The following PPP3CB variants were observed in gnomAD, a reference collection of about 807,000 sequenced individuals.
PPP3CB encodes the protein protein phosphatase 3 catalytic subunit beta.
PPP3CB carries 8 observed loss-of-function variants against 66.4 expected under a neutral mutation model. That is an observed-to-expected ratio of 0.12 (90% CI 0.07 to 0.22). PPP3CB has a LOEUF of 0.22. PPP3CB is among the 10% of genes least tolerant of loss of function. PPP3CB has a pLI of 1.00. For missense variants in PPP3CB, 319 were observed against 642.5 expected, an observed-to-expected ratio of 0.50 and a Z score of 5.44; for synonymous variants, 208 against 221.2, an observed-to-expected ratio of 0.94 and a Z score of 0.53.
intron 1 of PPP3CB, among the ~76,000 whole-genome samples, chr10:73,487,539 C>A: frequency 7.8e-6 from 1 of 128,868 alleles, no homozygotes. Context: ...CAGAGTGAGA[C>A]TCCATCTCAA....
At chr10:73,454,620 C>T (rs1237440259) in intron 9 of PPP3CB, 131 bp from the exon 10 acceptor site, 7 of 473,476 alleles carry the variant, frequency 1.5e-5, no homozygotes, top group African/African-American at 4.1e-5. Context: ...ATACCAAGAT[C>T]GATGGAATTT....
chr10:73,495,619 C>G, intron 1 of PPP3CB, 186 bp downstream of exon 1: 1 of 847,078 alleles, frequency 1.2e-6, no homozygotes, highest in Non-Finnish European at 1.6e-6. Context: ...AACCGGGAGA[C>G]CGCGGAACCA....
intron 11 of PPP3CB, among the ~76,000 whole-genome samples, chr10:73,445,771 CAG>C (rs1476673079): frequency 1.4e-5 from 2 of 138,902 alleles, no homozygotes; most frequent in Non-Finnish European, 3.1e-5. Flanking sequence ...TTTTCTGAGA[CAG>C]AGTCTCACTC....
intron 10 of PPP3CB, among the ~76,000 whole-genome samples, chr10:73,451,114 TTTC>T (rs1240343356): frequency 2.0e-5 from 3 of 152,128 alleles, no homozygotes; most frequent in African/African-American, 7.2e-5. Flanking sequence ...GGAACCTTTT[TTTC>T]TTATTATTAT....
chr10:73,486,387 C>T (rs1047484840), intron 1 of PPP3CB, among the ~76,000 whole-genome samples: 39 of 148,530 alleles, frequency 2.6e-4, no homozygotes, highest in African/African-American at 6.7e-4. Flanking sequence ...CTCACCGCAA[C>T]GTCTGCCTCC....
In PPP3CB at chr10:73,478,482, C is replaced by T; in HGVS notation, c.411+17G>A. 1 of 1,597,456 alleles carries T rather than the reference C, an allele frequency of 6.3e-7. No individual in the cohort carries two copies. The highest frequency in any genetic ancestry group is 8.6e-7 in the Non-Finnish European group (1 of 1,168,166). On this transcript the variant is annotated intron_variant, in intron 3 of 13. Coordinates refer to ENST00000360663, the MANE Select transcript of PPP3CB (RefSeq NM_021132.4). Reference sequence around the variant, plus strand: ...TAACACTTAACAGCAAATCAAATGACAGTTTATGATTATTACCTCTATACT... The same window carrying T: ...TAACACTTAACAGCAAATCAAATGATAGTTTATGATTATTACCTCTATACT...
intron 9 of PPP3CB, among the ~76,000 whole-genome samples, chr10:73,456,763 T>C (rs534347863): frequency 1.3e-5 from 2 of 152,288 alleles, no homozygotes; most frequent in Non-Finnish European, 1.5e-5. Flanking sequence ...TTTATGAGCT[T>C]GGATTAGGCA....
intron 11 of PPP3CB, among the ~76,000 whole-genome samples, 157 bp from the exon 12 acceptor site, chr10:73,444,979 T>G (rs35062653): frequency 0.016 from 2,429 of 152,370 alleles, 26 homozygotes; most frequent in Non-Finnish European, 0.023. Flanking sequence ...TTTCTATATT[T>G]TAAGTGTTTC....
intron 1 of PPP3CB, among the ~76,000 whole-genome samples, chr10:73,480,071 T>A (rs946138506): frequency 1.3e-5 from 2 of 152,182 alleles, no homozygotes; most frequent in African/African-American, 4.8e-5. Flanking sequence ...TGATTTACCA[T>A]GTTCCTTTCT....
chr10:73,493,140 G>A (rs1450705045), intron 1 of PPP3CB, among the ~76,000 whole-genome samples: 1 of 152,014 alleles, frequency 6.6e-6, no homozygotes, highest in African/African-American at 2.4e-5. Context: ...ACCGGGCATG[G>A]TGGCGCGCAC....
intron 8 of PPP3CB, among the ~76,000 whole-genome samples, chr10:73,469,181 G>C (rs568334723): frequency 6.6e-6 from 1 of 152,284 alleles, no homozygotes; most frequent in South Asian, 2.1e-4. Flanking sequence ...ATTAACAAGA[G>C]GAAGTCACAG....
Position 73,494,806 on chromosome 10 carries a change from T to C in PPP3CB, c.85+999A>G, listed in dbSNP as rs1036409374. On this transcript the variant is annotated intron_variant, in intron 1 of 13. Coordinates refer to ENST00000360663, the MANE Select transcript of PPP3CB (RefSeq NM_021132.4). ...AAAGTACCTATATTTTAAAAATAAA[T>C]ACAATACAAATAAGGAAAAGTTCAT... Among the ~76,000 whole-genome samples the C allele has an allele frequency of 7.9e-5, 12 of 152,258 alleles. No homozygotes were observed. The East Asian group carries it at 2.3e-3, about 29-fold the overall frequency.
At chr10:73,491,022 G>GTTTTTTTTTTTTTTTTTTTTTTTTTTTTT (rs528238766) in intron 1 of PPP3CB, among the ~76,000 whole-genome samples, 1 of 40,908 alleles carries the variant, frequency 2.4e-5, no homozygotes, top group African/African-American at 6.7e-5. Context: ...TGTTTTTATT[G>GTTTTTTTTTTTTTTTTTTTTTTTTTTTTT]TTTTTTTTTT....
At chr10:73,441,055 T>C (rs1433452494) in intron 12 of PPP3CB, among the ~76,000 whole-genome samples, 1 of 152,196 alleles carries the variant, frequency 6.6e-6, no homozygotes, top group Non-Finnish European at 1.5e-5. Context: ...GTCTCTCCTA[T>C]TTTGCTTCTT....
At chr10:73,490,395 C>G (rs2057052906) in intron 1 of PPP3CB, among the ~76,000 whole-genome samples, 1 of 152,096 alleles carries the variant, frequency 6.6e-6, no homozygotes, top group Non-Finnish European at 1.5e-5. Context: ...TTTTGTTGTT[C>G]TCCTACAGTT....
At chr10:73,487,565 A>G (rs1221692415) in intron 1 of PPP3CB, among the ~76,000 whole-genome samples, 2 of 92,482 alleles carry the variant, frequency 2.2e-5, no homozygotes, top group Non-Finnish European at 2.2e-5. Context: ...AACCAAAACC[A>G]AAAAAAAAAA....
At chr10:73,443,068 C>T (rs2056175247) in intron 12 of PPP3CB, among the ~76,000 whole-genome samples, 1 of 151,134 alleles carries the variant, frequency 6.6e-6, no homozygotes, top group Non-Finnish European at 1.5e-5. Flanking sequence ...GCTGTGGTGG[C>T]ATGTGCCTAT....
At chr10:73,462,949 C>CAAAAAAA (rs10569079) in intron 9 of PPP3CB, among the ~76,000 whole-genome samples, 2 of 58,784 alleles carry the variant, frequency 3.4e-5, no homozygotes, top group Non-Finnish European at 5.6e-5. Context: ...GACTCTGTCT[C>CAAAAAAA]AAAAAAAAAA....
At chr10:73,489,447 T>C (rs1046857273) in intron 1 of PPP3CB, among the ~76,000 whole-genome samples, 1 of 152,064 alleles carries the variant, frequency 6.6e-6, no homozygotes, top group African/African-American at 2.4e-5. Flanking sequence ...ATGGTTACCA[T>C]TGGTTGAGTA....
Sources: allele counts gnomAD v4.1 joint callset (sites outside exome capture counted in the v4.1 genomes callset), GRCh38; gene constraint gnomAD v4.1.1; transcripts MANE v1.5; gene names NCBI Gene and HGNC (gene_info 2026-07-23, HGNC 2026-07-21).